Variants in ANK3 observed in about 807,000 individuals in gnomAD.
ANK3 encodes ankyrin 3.
A neutral mutation model predicts 370.9 loss-of-function variants in ANK3; 57 were observed. That is an observed-to-expected ratio of 0.15 (90% CI 0.12 to 0.19). The LOEUF is 0.19. ANK3 is among the 10% of genes least tolerant of loss of function. The pLI, the probability that ANK3 is intolerant of heterozygous loss-of-function variation, is 1.00. For missense variants in ANK3, 4,439 were observed against 5,302.1 expected, an observed-to-expected ratio of 0.84 and a Z score of 5.06; for synonymous variants, 1,929 against 1,946.3, an observed-to-expected ratio of 0.99 and a Z score of 0.23.
At chr10:60,543,381 C>A (rs1324382109) in intron 2 of ANK3, among the ~76,000 whole-genome samples, 1 of 151,920 alleles carries the variant, frequency 6.6e-6, no homozygotes, top group Non-Finnish European at 1.5e-5. Flanking sequence ...TTTGTAAAAG[C>A]TAAAGATTGG....
intron 1 of ANK3, among the ~76,000 whole-genome samples, chr10:60,664,333 TAAG>T (rs768462919): frequency 2.0e-5 from 3 of 152,186 alleles, no homozygotes; most frequent in Non-Finnish European, 4.4e-5. Context: ...TTCTGTGAAA[TAAG>T]GAGACAAAAA....
At chr10:60,444,572 T>A (rs899369470) in intron 2 of ANK3, among the ~76,000 whole-genome samples, 1 of 152,074 alleles carries the variant, frequency 6.6e-6, no homozygotes, top group African/African-American at 2.4e-5. Flanking sequence ...TAATTTCTTT[T>A]AATTCCAGCC....
chr10:60,498,638 A>T (rs2133136927), intron 2 of ANK3, among the ~76,000 whole-genome samples: 1 of 152,280 alleles, frequency 6.6e-6, no homozygotes, highest in South Asian at 2.1e-4. Context: ...TGATCCTCCC[A>T]TCTTGGCCTC....
At chr10:60,265,681 T>C (rs1485859817) in intron 5 of ANK3, among the ~76,000 whole-genome samples, 1 of 152,126 alleles carries the variant, frequency 6.6e-6, no homozygotes, top group Non-Finnish European at 1.5e-5. Flanking sequence ...GGAAAACACA[T>C]AGGAGCACAT....
At chr10:60,368,099 G>T (rs1429039667) in intron 1 of ANK3, among the ~76,000 whole-genome samples, 1 of 152,062 alleles carries the variant, frequency 6.6e-6, no homozygotes. Flanking sequence ...CTAGAATTGT[G>T]TATCTCACTG....
intron 42 of ANK3, chr10:60,051,350 C>T (rs372834052): frequency 6.2e-6 from 2 of 324,612 alleles, no homozygotes; most frequent in South Asian, 2.4e-4. Flanking sequence ...AAAAAAATTA[C>T]ACAAAGCCAT....
chr10:60,059,153 G>C (rs10994176), intron 41 of ANK3, among the ~76,000 whole-genome samples, 187 bp downstream of exon 41: 47,627 of 152,026 alleles, frequency 0.31, 8,186 homozygotes, highest in South Asian at 0.46. Flanking sequence ...CAACAGTTTT[G>C]AGAATTAAAT....
At chr10:60,171,230 A>T (rs573468144) in intron 21 of ANK3, among the ~76,000 whole-genome samples, 1 of 152,306 alleles carries the variant, frequency 6.6e-6, no homozygotes, top group South Asian at 2.1e-4. Context: ...CTTGACAATC[A>T]TTGTTCTATT....
intron 1 of ANK3, among the ~76,000 whole-genome samples, chr10:60,292,776 C>T (rs950600158): frequency 3.3e-5 from 5 of 149,334 alleles, no homozygotes; most frequent in African/African-American, 5.0e-5. Context: ...TGTGCAATCT[C>T]AGCTCACTGC....
At chr10:60,444,430 G>A (rs1347375158) in intron 2 of ANK3, among the ~76,000 whole-genome samples, 4 of 65,020 alleles carry the variant, frequency 6.2e-5, no homozygotes, top group South Asian at 1.4e-3. Context: ...TATAACATAC[G>A]TGTGTGTGTG....
Position 60,694,421 on chromosome 10 carries a change from G to C in ANK3, c.57+38842C>G, listed in dbSNP as rs1018855712. Among the ~76,000 whole-genome samples the C allele has an allele frequency of 1.1e-4, 16 of 152,214 alleles. No homozygotes were observed. The South Asian group carries it at 2.7e-3, about 26-fold the overall frequency. On this transcript the variant is annotated intron_variant, in intron 1 of 43. Transcript: ENST00000373827. ...ACACCACAAAGATACTCCTCGAGAA[G>C]AGCAACTCCAAGACAAATAATTGTC...
chr10:60,141,571 T>TTTTTTTTTTTTTG (rs1565274533), intron 23 of ANK3, among the ~76,000 whole-genome samples: 1 of 120,990 alleles, frequency 8.3e-6, no homozygotes, highest in African/African-American at 3.3e-5. Context: ...GTTTTTTTTT[T>TTTTTTTTTTTTTG]TTTTTTTTTT....
At chr10:60,430,145 C>T (rs1284723423) in intron 2 of ANK3, among the ~76,000 whole-genome samples, 1 of 152,118 alleles carries the variant, frequency 6.6e-6, no homozygotes, top group Non-Finnish European at 1.5e-5. Context: ...TTTTTCTGAA[C>T]AATGCATTTA....
chr10:60,607,232 C>T, intron 2 of ANK3, among the ~76,000 whole-genome samples: 1 of 152,072 alleles, frequency 6.6e-6, no homozygotes. Context: ...GTGTTATAAA[C>T]CATCCCATAA....
Position 60,337,828 on chromosome 10 carries a change from G to A in ANK3, c.114+51597C>T, listed in dbSNP as rs537859726. 1.6e-4 allele frequency among the ~76,000 whole-genome samples: 24 copies of A among 152,322 alleles called. No homozygotes were observed. The South Asian group carries it at 3.5e-3, about 22-fold the overall frequency. On this transcript the variant is annotated intron_variant, in intron 1 of 43. Transcript: ENST00000280772. ...TTATTACTCACACATCCTGGTGAGT[G>A]CTATAGTAGAAAAATATATTATTGG...
At chr10:60,084,419 T>A (rs983810372) in intron 32 of ANK3, 183 bp downstream of exon 32, 25 of 284,504 alleles carry the variant, frequency 8.8e-5, no homozygotes, top group East Asian at 1.8e-4. Context: ...AAAAAAAAAA[T>A]TAAATTAAAT....
At chr10:60,699,659 T>C (rs1002911488) in intron 1 of ANK3, among the ~76,000 whole-genome samples, 22 of 152,044 alleles carry the variant, frequency 1.4e-4, no homozygotes, top group Admixed American at 1.4e-3. Context: ...ATATATTTAA[T>C]TAAGATGTAA....
chr10:60,425,707 A>G (rs2063871519), intron 2 of ANK3, among the ~76,000 whole-genome samples: 1 of 152,142 alleles, frequency 6.6e-6, no homozygotes, highest in Non-Finnish European at 1.5e-5. Context: ...TAAGGAAGCT[A>G]AGATGGGCTC....
intron 1 of ANK3, among the ~76,000 whole-genome samples, chr10:60,727,177 TG>T (rs1429153060): frequency 6.6e-6 from 1 of 152,208 alleles, no homozygotes; most frequent in Non-Finnish European, 1.5e-5. Flanking sequence ...AATATATTCT[TG>T]GCATCTTTAT....
Sources: gnomAD v4.1 joint callset for allele counts (sites outside exome capture counted in the v4.1 genomes callset) on GRCh38, gnomAD v4.1.1 for gene constraint, MANE v1.5 for transcripts, NCBI Gene and HGNC (gene_info 2026-07-23, HGNC 2026-07-21) for gene names.